The following PNLIP variants were observed in gnomAD, a reference collection of about 807,000 sequenced individuals.
PNLIP encodes pancreatic lipase, also known as pancreatic triacylglycerol lipase.
A neutral mutation model predicts 57.1 loss-of-function variants in PNLIP; 49 were observed. That is an observed-to-expected ratio of 0.86 (90% CI 0.68 to 1.09). PNLIP has a LOEUF of 1.09. Ranked by LOEUF, PNLIP falls within the 50% of genes least tolerant of loss-of-function variation. The probability of loss-of-function intolerance (pLI) is 0.00; values close to 1 mark genes in which losing one functional copy is unlikely to be tolerated. For synonymous variants in PNLIP, 209 were observed against 200.4 expected, an observed-to-expected ratio of 1.04 and a Z score of -0.36; for missense variants, 503 against 570.2, an observed-to-expected ratio of 0.88 and a Z score of 1.20.
chr10:116,553,615 G>A (rs752799701), intron 5 of PNLIP, 112 bp from the exon 6 acceptor site: 36 of 712,232 alleles, frequency 5.1e-5, no homozygotes, highest in Non-Finnish European at 8.6e-5. Context: ...ACTTTATGAT[G>A]TTCCCACAAC....
Position 116,546,075 on chromosome 10 carries a change from G to A in PNLIP, c.1-18G>A, listed in dbSNP as rs1171558907. ...TAAAAACTTAGCCAGACTCAATCATGTTTTTAATTTCGTGTAGATGCTGCC... is the reference window on the plus strand; with the variant it reads ...TAAAAACTTAGCCAGACTCAATCATATTTTTAATTTCGTGTAGATGCTGCC... On this transcript the variant is annotated intron_variant, in intron 1 of 12. Coordinates refer to ENST00000369221, the MANE Select transcript of PNLIP (RefSeq NM_000936.4). 1 of 1,613,066 alleles carries A rather than the reference G, an allele frequency of 6.2e-7. No homozygotes were observed.
Position 116,556,052 on chromosome 10 carries a change from T to C in PNLIP, c.864T>C (p.Thr288=), listed in dbSNP as rs935294423. 7 of 1,613,996 alleles carry C rather than the reference T, an allele frequency of 4.3e-6. No homozygotes were observed. The Admixed American group carries it at 5.0e-5, about 12-fold the overall frequency. ...CNHLRSYKYY[T]DSIVNPDGFA... is the part of the protein sequence containing the mutation. The stretch of plus-strand genomic sequence containing the variant: ...ACTTAAGAAGCTACAAATATTACAC[T>C]GATAGCATCGTCAACCCTGATGGCT... Residue 288 remains threonine (T), a synonymous_variant, in exon 9 of 13, where the codon ACT becomes ACC. Transcript: ENST00000369221.
rs116390918 is a variant in PNLIP at position 116,554,310 on chromosome 10, G to A, written c.571+472G>A. ...TAGAATAAATATAATTAAACCTAAG[G>A]AGCTGAAATTTGTATAACTAATTAT... On this transcript the variant is annotated intron_variant, in intron 6 of 12. Transcript: ENST00000369221. 2.8e-3 allele frequency among the ~76,000 whole-genome samples: 426 copies of A among 152,218 alleles called. 2 individuals carry two copies. Among genetic ancestry groups the A allele is most frequent in the African/African-American group, 9.7e-3 (404 of 41,530 alleles).
Position 116,548,395 on chromosome 10 carries a change from C to T in PNLIP, c.237C>T (p.Ser79=). ...VAADSSSISG[S]NFKTNRKTRF... ...CAGATTCATCAAGCATCAGTGGCTC[C>T]AATTTCAAAACAAATAGAAAAACTC... Residue 79 remains serine (S), a synonymous_variant, in exon 4 of 13, where the codon TCC becomes TCT. Transcript: ENST00000369221. The T allele has an allele frequency of 1.2e-6, 2 of 1,613,994 alleles. No individual in the cohort carries two copies. Among genetic ancestry groups the T allele is most frequent in the Admixed American group, 1.7e-5 (1 of 60,006 alleles).
In PNLIP at chr10:116,547,393, A is replaced by C. The variant is rs746339365; in HGVS notation, c.146A>C (p.Lys49Thr). The change falls in exon 3 of 13, where the codon AAA (lysine) becomes ACA (threonine). Residue 49 changes from lysine to threonine, a missense_variant. By Grantham distance (78) the Lys-to-Thr change is moderately conservative. Transcript: ENST00000369221. ...CTCCATATATTGCCTTGGTCTCCAA[A>C]AGATGTCAACACCCGCTTCCTCCTA... ...RPLHILPWSP[K>T]DVNTRFLLYT... 6.2e-7 allele frequency: 1 copy of C among 1,614,004 alleles called. No individual in the cohort carries two copies. The highest frequency in any genetic ancestry group is 1.3e-5 in the African/African-American group (1 of 74,920).
At chr10:116,559,053 GA>G (rs1231120727) in intron 9 of PNLIP, 100 bp from the exon 10 acceptor site, 1 of 1,428,684 alleles carries the variant, frequency 7.0e-7, no homozygotes, top group Non-Finnish European at 9.4e-7. Context: ...CATCAGAACA[GA>G]ACTGGCTTTA....
intron 5 of PNLIP, among the ~76,000 whole-genome samples, chr10:116,553,229 C>T (rs911020384): frequency 2.0e-5 from 3 of 152,186 alleles, no homozygotes; most frequent in African/African-American, 7.2e-5. Flanking sequence ...CCTTAGCCTC[C>T]CAAGTAGTCA....
At chr10:116,567,449 TG>T (rs2079373867) in intron 12 of PNLIP, among the ~76,000 whole-genome samples, 1 of 152,234 alleles carries the variant, frequency 6.6e-6, no homozygotes, top group Admixed American at 6.5e-5. Context: ...TTGGTTGACA[TG>T]GGCTAAGTGT....
At chr10:116,549,341 T>C (rs918822908) in intron 4 of PNLIP, among the ~76,000 whole-genome samples, 1 of 152,042 alleles carries the variant, frequency 6.6e-6, no homozygotes, top group African/African-American at 2.4e-5. Context: ...TAGCCAGGTA[T>C]GGTGGCACGC....
rs1178539051 is a variant in PNLIP at position 116,552,827 on chromosome 10, A to G, written c.460-900A>G. ...CGTGAACCCGGGAGGTGGAGCTTGC[A>G]GTGAGCTGAGATCGTGCCACTGCAC... On this transcript the variant is annotated intron_variant, in intron 5 of 12. Coordinates refer to ENST00000369221, the MANE Select transcript of PNLIP (RefSeq NM_000936.4). 2.6e-5 allele frequency among the ~76,000 whole-genome samples: 4 copies of G among 152,286 alleles called. No homozygotes were observed. The South Asian group carries it at 6.2e-4, about 24-fold the overall frequency.
intron 4 of PNLIP, among the ~76,000 whole-genome samples, chr10:116,550,019 A>G (rs1847173405): frequency 7.0e-6 from 1 of 143,070 alleles, no homozygotes; most frequent in African/African-American, 2.6e-5. Context: ...AAAGTTGCAG[A>G]TGATTTCTAA....
chr10:116,561,400 TAC>T, intron 11 of PNLIP, 70 bp from the exon 12 acceptor site: 1 of 1,158,302 alleles, frequency 8.6e-7, no homozygotes, highest in South Asian at 1.6e-5. Context: ...CACACTTACA[TAC>T]ACACAAATAT....
chr10:116,558,080 T>TA lies in PNLIP; in HGVS notation c.931-1062dup, dbSNP rs1315432174. 5.3e-3 allele frequency among the ~76,000 whole-genome samples: 751 copies of TA among 142,586 alleles called. 13 individuals carry two copies. Among genetic ancestry groups the TA allele is most frequent in the East Asian group, 0.035 (175 of 4,946 alleles). The allele number at this position is 142,586 out of a possible 152,430, so 93.5% of individuals were successfully genotyped here. A position where few individuals can be genotyped will look rare whatever the true frequency, so the allele number is the denominator to read the frequency against. On this transcript the variant is annotated intron_variant, in intron 9 of 12. Coordinates refer to ENST00000369221, the MANE Select transcript of PNLIP (RefSeq NM_000936.4). ...ATCCTGGCTAACATTTTTAAACCTT[T>TA]AAAAAAAAAAAAGAATTGAAAAAAG... is the stretch of plus-strand genomic sequence containing the variant.
At position 116,559,243 on chromosome 10, in the gene PNLIP, G is replaced by A; in HGVS notation, c.1020G>A (p.Gln340=). 6.2e-7 allele frequency: 1 copy of A among 1,614,066 alleles called. No individual in the cohort carries two copies. The highest frequency in any genetic ancestry group is 8.5e-7 in the Non-Finnish European group (1 of 1,179,954). The change falls in exon 10 of 13, where the codon CAG becomes CAA. Residue 340 remains glutamine (Q), a synonymous_variant. Transcript: ENST00000369221. ...CTGGGAAAACAAATGATGTGGGCCA[G>A]AAATTTTATCTAGACACTGGTGATG... The part of the protein sequence containing the change: ...RYPGKTNDVG[Q]KFYLDTGDAS...
At chr10:116,555,145 G>C (rs369024553) in intron 6 of PNLIP, 33 bp from the exon 7 acceptor site, 24 of 1,612,946 alleles carry the variant, frequency 1.5e-5, no homozygotes, top group Non-Finnish European at 2.0e-5. Context: ...CTCAGGACTT[G>C]TCATAATTCA....
rs1171684738 is a variant in PNLIP, at chr10:116,555,396, A to G, written c.700A>G (p.Met234Val). Residue 234 changes from methionine to valine, a missense_variant, in exon 8 of 13, where the codon ATG becomes GTG. By Grantham distance (21) the Met-to-Val change is conservative. Coordinates refer to ENST00000369221, the MANE Select transcript of PNLIP (RefSeq NM_000936.4). ...APIVPNLGFG[M>V]SQVVGHLDFF... ...TATTTTTATGATTTCAGGGTTTGGA[A>G]TGAGCCAAGTCGTGGGCCACCTAGA... is the stretch of plus-strand genomic sequence containing the variant. 1 of 1,614,194 alleles carries G rather than the reference A, an allele frequency of 6.2e-7. No individual in the cohort carries two copies. Among genetic ancestry groups the G allele is most frequent in the East Asian group, 2.2e-5 (1 of 44,880 alleles).
chr10:116,565,761 C>G (rs547531112), intron 12 of PNLIP, among the ~76,000 whole-genome samples: 2 of 151,984 alleles, frequency 1.3e-5, no homozygotes, highest in East Asian at 3.9e-4. Flanking sequence ...GATATTTACC[C>G]ATGAGGCAAG....
Position 116,559,214 on chromosome 10 carries a change from T to C in PNLIP, c.991T>C (p.Tyr331His), listed in dbSNP as rs867235776. The change falls in exon 10 of 13, where the codon TAT (tyrosine) becomes CAT (histidine). Residue 331 changes from tyrosine (Y) to histidine (H), a missense_variant. Physicochemically the swap from Tyr to His is moderately conservative, Grantham distance 83 (BLOSUM62 2). Transcript: ENST00000369221. ...CPQMGHYADR[Y>H]PGKTNDVGQK... The stretch of plus-strand genomic sequence containing the variant: ...ACAGATGGGTCACTATGCTGATAGA[T>C]ATCCTGGGAAAACAAATGATGTGGG... The C allele has an allele frequency of 6.2e-7, 1 of 1,614,088 alleles. No homozygotes were observed. The highest frequency in any genetic ancestry group is 8.5e-7 in the Non-Finnish European group (1 of 1,179,938).
chr10:116,558,042 CA>C (rs1178984808), intron 9 of PNLIP, among the ~76,000 whole-genome samples: 2 of 150,176 alleles, frequency 1.3e-5, no homozygotes, highest in Non-Finnish European at 3.0e-5. Context: ...ATCAGGAAGT[CA>C]AGATCGAGAC....
Sources: gnomAD v4.1 joint callset for allele counts (sites outside exome capture counted in the v4.1 genomes callset) on GRCh38, gnomAD v4.1.1 for gene constraint, MANE v1.5 for transcripts, NCBI Gene and HGNC (gene_info 2026-07-23, HGNC 2026-07-21) for gene names.